The following CLIC5 variants were observed in gnomAD, a reference collection of about 807,000 sequenced individuals.
CLIC5 encodes the protein CLIC family member 5, also known as chloride intracellular channel protein 5.
A neutral mutation model predicts 24.7 loss-of-function variants in CLIC5; 20 were observed. The ratio of observed to expected loss-of-function variants is 0.81; its 90% CI spans 0.57 to 1.18. CLIC5 has a LOEUF of 1.18. Among genes scored for constraint, CLIC5 ranks in the 50% most tolerant of loss-of-function variants. The pLI, the probability that CLIC5 is intolerant of heterozygous loss-of-function variation, is 0.00. For synonymous variants in CLIC5, 159 were observed against 135.6 expected (o/e 1.17, Z -1.20); for missense variants, 341 against 326.1 (o/e 1.05, Z -0.35).
At chr6:46,087,018 G>T in the CLIC5 span, among the ~76,000 whole-genome samples, 1 of 152,064 alleles carries the variant, frequency 6.6e-6, no homozygotes, top group Non-Finnish European at 1.5e-5. Flanking sequence ...TCACAATGCT[G>T]TCTCTGCCAT....
At chr6:46,075,653 T>G (rs1762747225) in intron 1 of CLIC5, among the ~76,000 whole-genome samples, 1 of 152,222 alleles carries the variant, frequency 6.6e-6, no homozygotes, top group African/African-American at 2.4e-5. Context: ...ACATAAATTA[T>G]GTATAGGACA....
chr6:46,053,942 A>G (rs1303214784), intron 1 of CLIC5, among the ~76,000 whole-genome samples: 1 of 152,174 alleles, frequency 6.6e-6, no homozygotes, highest in Non-Finnish European at 1.5e-5. Flanking sequence ...TGTGCTCAGC[A>G]GTCAGCAAGA....
chr6:45,968,997 A>C (rs1324269891), intron 1 of CLIC5, among the ~76,000 whole-genome samples: 1 of 152,226 alleles, frequency 6.6e-6, no homozygotes, highest in Non-Finnish European at 1.5e-5. Context: ...AAAGTGAATA[A>C]ATTAGAAAAG....
upstream of CLIC5, among the ~76,000 whole-genome samples, chr6:46,082,463 A>G (rs1581928939): frequency 6.6e-6 from 1 of 152,170 alleles, no homozygotes; most frequent in African/African-American, 2.4e-5. Flanking sequence ...GTGAAAGCCA[A>G]AGTCCTTACA....
intron 4 of CLIC5, among the ~76,000 whole-genome samples, chr6:45,922,810 A>ATACTCATCTGTAGCATGTAAGCTGCCT (rs1763316498): frequency 6.7e-6 from 1 of 148,390 alleles, no homozygotes; most frequent in Non-Finnish European, 1.5e-5. Flanking sequence ...AGGGAGGAAG[A>ATACTCATCTGTAGCATGTAAGCTGCCT]GAGAGAGAGA....
At chr6:45,949,582 G>C (rs1286607439) in intron 2 of CLIC5, among the ~76,000 whole-genome samples, 3 of 152,152 alleles carry the variant, frequency 2.0e-5, no homozygotes, top group African/African-American at 7.2e-5. Flanking sequence ...AGTGTGTCCA[G>C]TGGAGTCAGT....
At chr6:46,110,566 A>C in the CLIC5 span, among the ~76,000 whole-genome samples, 1 of 152,156 alleles carries the variant, frequency 6.6e-6, no homozygotes, top group Non-Finnish European at 1.5e-5. Flanking sequence ...GACTGCTTTG[A>C]GATTGGAAAG....
intron 4 of CLIC5, among the ~76,000 whole-genome samples, chr6:45,919,804 G>A (rs1763181584): frequency 6.6e-6 from 1 of 152,102 alleles, no homozygotes; most frequent in Admixed American, 6.5e-5. Context: ...TTCTGTCTTA[G>A]AGTTCCTTTT....
In CLIC5 at chr6:45,936,534, G is replaced by A. The variant is rs376459629; in HGVS notation, c.406+5013C>T. ...CAGCTGACTTTGAACGTGGTAGTGG[G>A]CATTATTCCAAGCACACTTATGAGG... is the stretch of plus-strand genomic sequence containing the variant. On this transcript the variant is annotated intron_variant, in intron 4 of 5. Transcript: ENST00000339561. Among the ~76,000 whole-genome samples, 5 of 152,098 alleles carry A rather than the reference G, an allele frequency of 3.3e-5. No homozygotes were observed. The East Asian group carries it at 7.8e-4, about 24-fold the overall frequency.
intron 1 of CLIC5, among the ~76,000 whole-genome samples, chr6:45,974,518 TATATAGAGAGAGAGAGAG>T (rs1765317911): frequency 7.1e-5 from 6 of 84,138 alleles, no homozygotes; most frequent in Non-Finnish European, 1.4e-4. Flanking sequence ...TATATATATA[TATATAGAGAGAGAGAGAG>T]AGAGAGAGAG....
intron 1 of CLIC5, among the ~76,000 whole-genome samples, chr6:46,052,950 A>T (rs894968996): frequency 4.6e-5 from 7 of 152,152 alleles, no homozygotes; most frequent in African/African-American, 1.7e-4. Flanking sequence ...AGTACAGGAC[A>T]CTTTGGAAAA....
At chr6:45,947,256 G>T (rs1042418420) in intron 3 of CLIC5, among the ~76,000 whole-genome samples, 2 of 152,216 alleles carry the variant, frequency 1.3e-5, no homozygotes, top group African/African-American at 4.8e-5. Flanking sequence ...AGCAGCCCAG[G>T]AAAGGCACAG....
At chr6:45,936,961 G>C (rs1763959398) in intron 4 of CLIC5, among the ~76,000 whole-genome samples, 2 of 152,084 alleles carry the variant, frequency 1.3e-5, no homozygotes, top group South Asian at 4.2e-4. Context: ...GGCAGTATCT[G>C]GTTACTGCAG....
intron 1 of CLIC5, among the ~76,000 whole-genome samples, chr6:46,074,571 C>T (rs1172632962): frequency 6.6e-6 from 1 of 152,186 alleles, no homozygotes; most frequent in Non-Finnish European, 1.5e-5. Context: ...ACCTGTGCAT[C>T]CCCGCATGAG....
At chr6:45,927,946 C>A (rs989623811) in intron 4 of CLIC5, among the ~76,000 whole-genome samples, 1 of 152,078 alleles carries the variant, frequency 6.6e-6, no homozygotes, top group Non-Finnish European at 1.5e-5. Flanking sequence ...AATGTATTCG[C>A]AAGGTAGAAA....
chr6:46,054,317 G>T (rs1485071987), intron 1 of CLIC5, among the ~76,000 whole-genome samples: 1 of 152,074 alleles, frequency 6.6e-6, no homozygotes, highest in Non-Finnish European at 1.5e-5. Context: ...TCTTCCCAAA[G>T]CACACTTCTG....
chr6:46,081,225 G>A (rs1270982041), upstream of CLIC5, among the ~76,000 whole-genome samples: 1 of 152,202 alleles, frequency 6.6e-6, no homozygotes, highest in Non-Finnish European at 1.5e-5. Context: ...CTGTGAATAT[G>A]TGTGCCCCCC....
chr6:45,912,846 A>G, intron 5 of CLIC5: 1 of 763,312 alleles, frequency 1.3e-6, no homozygotes, highest in Non-Finnish European at 2.2e-6. Flanking sequence ...CTTGGCCCCA[A>G]ATCCAAAATG....
chr6:46,015,258 G>A (rs1449625933), intron 1 of CLIC5, among the ~76,000 whole-genome samples: 2 of 152,116 alleles, frequency 1.3e-5, no homozygotes, highest in Admixed American at 6.5e-5. Context: ...GACAAACTGC[G>A]GATCAACTCT....
Sources: gnomAD v4.1 joint callset for allele counts (sites outside exome capture counted in the v4.1 genomes callset) on GRCh38, gnomAD v4.1.1 for gene constraint, MANE v1.5 for transcripts, NCBI Gene and HGNC (gene_info 2026-07-23, HGNC 2026-07-21) for gene names.